The following HPR variants were observed in gnomAD, a reference collection of about 807,000 sequenced individuals.
The protein encoded by HPR is Haptoglobin-related locus.
In HPR, 17 loss-of-function variants were observed where a neutral mutation model predicts 18.5. That is an observed-to-expected ratio of 0.92 (90% confidence interval 0.63 to 1.38). The LOEUF is 1.38. Among genes scored for constraint, HPR ranks in the 40% most tolerant of loss-of-function variants. The probability of loss-of-function intolerance (pLI) is 0.00; values close to 1 mark genes in which losing one functional copy is unlikely to be tolerated. For synonymous variants in HPR, 176 were observed against 165.0 expected (o/e 1.07, Z -0.51); for missense variants, 457 against 432.4 (o/e 1.06, Z -0.51).
intron 1 of HPR, among the ~76,000 whole-genome samples, chr16:72,065,316 T>C (rs747865754): frequency 5.9e-5 from 9 of 152,004 alleles, no homozygotes; most frequent in Non-Finnish European, 8.8e-5. Context: ...ATACGAGGGA[T>C]TGAGCCACAG....
intron 1 of HPR, among the ~76,000 whole-genome samples, chr16:72,066,788 AAGCTCAAAAGGTGTATGTG>A (rs1189936505): frequency 1.3e-5 from 2 of 152,200 alleles, no homozygotes; most frequent in Non-Finnish European, 2.9e-5. Context: ...CTTCTCAGAG[AAGCTCAAAAGGTGTATGTG>A]AGGAGGGACA....
intron 1 of HPR, among the ~76,000 whole-genome samples, chr16:72,067,316 C>A (rs1328836660): frequency 1.3e-5 from 2 of 152,100 alleles, no homozygotes; most frequent in Non-Finnish European, 2.9e-5. Flanking sequence ...TCTAATGTTG[C>A]CTGCTCTTCA....
Position 72,074,289 on chromosome 16 carries a change from C to G in HPR, c.97C>G (p.Arg33Gly), listed in dbSNP as rs201818109. The G allele has an allele frequency of 3.0e-4, 483 of 1,613,418 alleles. 2 individuals carry two copies. Among genetic ancestry groups the G allele is most frequent in the South Asian group, 6.8e-4 (62 of 91,076 alleles). Residue 33 changes from arginine (R) to glycine (G), a missense_variant, in exon 3 of 5, where the codon CGC becomes GGC. Coordinates refer to ENST00000540303, the MANE Select transcript of HPR (RefSeq NM_020995.4). ...GNDVTDISDDRFPKPPEIANG... is the reference protein window; with the variant it reads ...GNDVTDISDDGFPKPPEIANG... ...TGGCTTCTCTCTCTTTGCAGATGACCGCTTCCCGAAGCCCCCTGAGATTGC... is the reference window on the plus strand; with the variant it reads ...TGGCTTCTCTCTCTTTGCAGATGACGGCTTCCCGAAGCCCCCTGAGATTGC...
intron 1 of HPR, among the ~76,000 whole-genome samples, chr16:72,070,387 G>A (rs1452726622): frequency 3.9e-5 from 6 of 152,182 alleles, no homozygotes; most frequent in East Asian, 3.9e-4. Flanking sequence ...GCACATTAGC[G>A]TCAGCCTGGA....
rs570854430 is a variant in HPR, at chr16:72,076,538, G to C, written c.504G>C (p.Gly168=). ...CCCCTACTTTAACACTCTATGTGGGGAAAAAGCAGCTTGTAGAGATTGAGA... is the reference window on the plus strand; with the variant it reads ...CCCCTACTTTAACACTCTATGTGGGCAAAAAGCAGCTTGTAGAGATTGAGA... ...DIAPTLTLYV[G]KKQLVEIEKV... Residue 168 remains glycine (G), a synonymous_variant, in exon 5 of 5, where the codon GGG becomes GGC. Transcript: ENST00000540303. 1 of 1,614,140 alleles carries C rather than the reference G, an allele frequency of 6.2e-7. No individual in the cohort carries two copies. Among genetic ancestry groups the C allele is most frequent in the South Asian group, 1.1e-5 (1 of 91,078 alleles).
At position 72,076,956 on chromosome 16, in the gene HPR, G is replaced by A. The variant is rs762708889; in HGVS notation, c.922G>A (p.Glu308Lys). ...TGCCTTTGCCGTTCACGACCTGGAG[G>A]AGGACACCTGGTACGCGGCTGGGAT... Reference protein sequence around the residue: ...GSAFAVHDLEEDTWYAAGILS... With the variant: ...GSAFAVHDLEKDTWYAAGILS... The change falls in exon 5 of 5, where the codon GAG becomes AAG. Residue 308 changes from glutamate (E) to lysine (K), a missense_variant. Transcript: ENST00000540303. The A allele has an allele frequency of 3.7e-6, 6 of 1,614,124 alleles. No homozygotes were observed. The highest frequency in any genetic ancestry group is 1.7e-5 in the Admixed American group (1 of 60,014).
intron 2 of HPR, 21 bp from the exon 3 acceptor site, chr16:72,074,263 C>T: frequency 6.2e-7 from 1 of 1,602,698 alleles, no homozygotes; most frequent in Non-Finnish European, 8.5e-7. Context: ...GGTAAACTCT[C>T]TGGCTTCTCT....
rs184953171 is a variant in HPR at position 72,067,063 on chromosome 16, G to T, written c.5+3803G>T. ...CAAAACTGAGAGAGGGGAAGGACAA[G>T]ATAAGTGTTACAAATGTGGAAGGAC... On this transcript the variant is annotated intron_variant, in intron 1 of 4. Transcript: ENST00000540303. Among the ~76,000 whole-genome samples the T allele has an allele frequency of 9.9e-5, 15 of 152,280 alleles. No individual in the cohort carries two copies. The East Asian group carries it at 2.9e-3, about 30-fold the overall frequency.
chr16:72,073,750 C>A (rs2144073134), intron 1 of HPR, 142 bp from the exon 2 acceptor site: 6 of 1,574,808 alleles, frequency 3.8e-6, no homozygotes, highest in East Asian at 2.3e-5. Flanking sequence ...TCTTTTCTGG[C>A]TGCTTAGTGG....
At position 72,077,137 on chromosome 16, in the gene HPR, C is replaced by G. The variant is rs374733651; in HGVS notation, c.*56C>G. 8 of 1,547,264 alleles carry G rather than the reference C, an allele frequency of 5.2e-6. No individual in the cohort carries two copies. In the East Asian group the frequency reaches 1.1e-4, roughly 22 times the overall value. On this transcript the variant is annotated 3_prime_UTR_variant, in exon 5 of 5. Transcript: ENST00000540303. Reference sequence around the variant, plus strand: ...AGCAAGATTTCAGCCTGGAAGAGGGCAAAGTGGACGGGAGTGGACAGGAGT... The same window carrying G: ...AGCAAGATTTCAGCCTGGAAGAGGGGAAAGTGGACGGGAGTGGACAGGAGT...
intron 1 of HPR, among the ~76,000 whole-genome samples, chr16:72,064,334 T>A (rs1246950676): frequency 1.3e-5 from 2 of 152,196 alleles, no homozygotes; most frequent in Non-Finnish European, 2.9e-5. Flanking sequence ...GTCCTTTGTT[T>A]CCTGCTTTCA....
At chr16:72,064,936 G>A (rs768069520) in intron 1 of HPR, among the ~76,000 whole-genome samples, 3 of 152,154 alleles carry the variant, frequency 2.0e-5, no homozygotes, top group Non-Finnish European at 2.9e-5. Flanking sequence ...TCTCAACAAC[G>A]TGGGGAGAAA....
chr16:72,067,833 C>T (rs2041614099), intron 1 of HPR, among the ~76,000 whole-genome samples: 1 of 152,164 alleles, frequency 6.6e-6, no homozygotes, highest in African/African-American at 2.4e-5. Context: ...GAGCCATTAA[C>T]CAAACAGTCC....
intron 1 of HPR, among the ~76,000 whole-genome samples, chr16:72,064,145 T>C (rs972561307): frequency 2.0e-5 from 3 of 152,194 alleles, no homozygotes; most frequent in Non-Finnish European, 4.4e-5. Flanking sequence ...ATGGCCACCG[T>C]CCTGCTTTCA....
chr16:72,073,132 T>C (rs1376672717), intron 1 of HPR, among the ~76,000 whole-genome samples: 2 of 152,208 alleles, frequency 1.3e-5, no homozygotes, highest in Non-Finnish European at 2.9e-5. Context: ...ACTTTTCAAG[T>C]TAGCCAACCG....
chr16:72,070,881 C>T (rs1230598085), intron 1 of HPR, among the ~76,000 whole-genome samples: 6 of 152,140 alleles, frequency 3.9e-5, no homozygotes, highest in Non-Finnish European at 7.3e-5. Flanking sequence ...GGTGGACAGC[C>T]AGGCCCCCTT....
At chr16:72,071,413 C>T (rs191926921) in intron 1 of HPR, among the ~76,000 whole-genome samples, 2 of 152,150 alleles carry the variant, frequency 1.3e-5, no homozygotes, top group Admixed American at 6.5e-5. Flanking sequence ...TCTAACTGAC[C>T]GGGCATAAGC....
chr16:72,076,201 C>A lies in HPR; in HGVS notation c.269-102C>A, dbSNP rs562239423. On this transcript the variant is annotated intron_variant, in intron 4 of 4. Coordinates refer to ENST00000540303, the MANE Select transcript of HPR (RefSeq NM_020995.4). ...GTAAGGACAAAGCATTTAAATCTTT[C>A]CAGTTTATGCAGCAGTGACAGCCGC... The A allele has an allele frequency of 1.1e-4, 178 of 1,563,112 alleles. 1 individual carries two copies. The African/African-American group carries it at 1.8e-3, about 16-fold the overall frequency.
At chr16:72,076,155 T>A in intron 4 of HPR, 148 bp from the exon 5 acceptor site, 2 of 1,460,896 alleles carry the variant, frequency 1.4e-6, no homozygotes, top group Non-Finnish European at 1.8e-6. Flanking sequence ...CTGCAACTAT[T>A]GGAAATGAGA....
Sources: allele counts gnomAD v4.1 joint callset (sites outside exome capture counted in the v4.1 genomes callset), GRCh38; gene constraint gnomAD v4.1.1; transcripts MANE v1.5; gene names NCBI Gene and HGNC (gene_info 2026-07-23, HGNC 2026-07-21).